Variants in ENPP6 observed in about 807,000 individuals in gnomAD.
ENPP6 encodes the protein glycerophosphocholine cholinephosphodiesterase ENPP6.
In ENPP6, 32 loss-of-function variants were observed where a neutral mutation model predicts 42.0. The observed-to-expected ratio is 0.76, with a 90% CI of 0.58 to 1.02. The LOEUF (loss-of-function observed/expected upper bound fraction) is 1.02. ENPP6 is among the 50% of genes least tolerant of loss of function. The probability of loss-of-function intolerance (pLI) is 0.00; values close to 1 mark genes in which losing one functional copy is unlikely to be tolerated. For missense variants in ENPP6, 552 were observed against 566.8 expected (o/e 0.97, Z 0.27); for synonymous variants, 213 against 216.0 (o/e 0.99, Z 0.12).
At chr4:184,153,761 T>C in intron 1 of ENPP6, 28 bp from the exon 2 acceptor site, 1 of 1,602,210 alleles carries the variant, frequency 6.2e-7, no homozygotes, top group South Asian at 1.1e-5. Flanking sequence ...CAGCTGTCAG[T>C]TTACGGTTCT....
chr4:184,174,527 T>C (rs1435715162), intron 1 of ENPP6, among the ~76,000 whole-genome samples: 1 of 102,540 alleles, frequency 9.8e-6, no homozygotes. Context: ...GCTGTGAGGG[T>C]TCCAGAATGA....
chr4:184,106,930 T>C (rs571949357), intron 6 of ENPP6, among the ~76,000 whole-genome samples: 1 of 152,112 alleles, frequency 6.6e-6, no homozygotes, highest in South Asian at 2.1e-4. Context: ...AGAGCGTGCT[T>C]GAGTCTGCTG....
intron 2 of ENPP6, among the ~76,000 whole-genome samples, chr4:184,152,278 C>G (rs1241039918): frequency 6.6e-6 from 1 of 152,178 alleles, no homozygotes; most frequent in Non-Finnish European, 1.5e-5. Flanking sequence ...AGTGCCCCAG[C>G]AGCTCCCCAC....
chr4:184,099,403 C>T (rs1228435741), intron 6 of ENPP6, among the ~76,000 whole-genome samples: 1 of 152,180 alleles, frequency 6.6e-6, no homozygotes, highest in Admixed American at 6.5e-5. Flanking sequence ...GCTGCAGTCT[C>T]CCTGCTGGTC....
chr4:184,118,081 C>G, intron 3 of ENPP6, among the ~76,000 whole-genome samples, 181 bp from the exon 4 acceptor site: 1 of 152,198 alleles, frequency 6.6e-6, no homozygotes, highest in Non-Finnish European at 1.5e-5. Flanking sequence ...CACACTGAAC[C>G]AAGAATTGCT....
At chr4:184,206,483 C>G (rs941053361) in intron 1 of ENPP6, among the ~76,000 whole-genome samples, 2 of 149,312 alleles carry the variant, frequency 1.3e-5, no homozygotes, top group South Asian at 2.2e-4. Flanking sequence ...GTCTCGATCT[C>G]CTGACCTCGT....
chr4:184,197,267 A>C (rs1732816339), intron 1 of ENPP6, among the ~76,000 whole-genome samples: 1 of 152,176 alleles, frequency 6.6e-6, no homozygotes, highest in Non-Finnish European at 1.5e-5. Context: ...AAATCTACAC[A>C]TGCACCACAC....
chr4:184,171,611 C>T (rs1437011212), intron 1 of ENPP6, among the ~76,000 whole-genome samples: 1 of 152,230 alleles, frequency 6.6e-6, no homozygotes, highest in Non-Finnish European at 1.5e-5. Context: ...AGACACATCA[C>T]AGTTGACATA....
chr4:184,165,006 C>G (rs1737325943), intron 1 of ENPP6, among the ~76,000 whole-genome samples: 1 of 152,152 alleles, frequency 6.6e-6, no homozygotes, highest in Non-Finnish European at 1.5e-5. Context: ...GTTACACTTG[C>G]TATCATGCAC....
Position 184,194,272 on chromosome 4 carries a change from G to T in ENPP6, c.241+23307C>A, listed in dbSNP as rs531163892. Reference sequence around the variant, plus strand: ...AGATGCTGTACTGAGATGTTTCACTGCACATTAATTAGCATGTTTCTCCCT... The same window carrying T: ...AGATGCTGTACTGAGATGTTTCACTTCACATTAATTAGCATGTTTCTCCCT... On this transcript the variant is annotated intron_variant, in intron 1 of 7. Transcript: ENST00000296741. 2.6e-5 allele frequency among the ~76,000 whole-genome samples: 4 copies of T among 152,304 alleles called. No individual in the cohort carries two copies. In the South Asian group the frequency reaches 8.3e-4, roughly 32 times the overall value.
intron 1 of ENPP6, among the ~76,000 whole-genome samples, chr4:184,180,285 T>C: frequency 6.6e-6 from 1 of 152,144 alleles, no homozygotes; most frequent in East Asian, 1.9e-4. Flanking sequence ...CCTGGACACA[T>C]ACATCCTCCC....
intron 1 of ENPP6, among the ~76,000 whole-genome samples, chr4:184,193,607 G>A (rs920039012): frequency 6.6e-6 from 1 of 152,154 alleles, no homozygotes; most frequent in African/African-American, 2.4e-5. Flanking sequence ...CTCTTAAAAT[G>A]GCTAGATTTT....
At chr4:184,123,795 G>A (rs1736457596) in intron 3 of ENPP6, among the ~76,000 whole-genome samples, 1 of 152,096 alleles carries the variant, frequency 6.6e-6, no homozygotes, top group African/African-American at 2.4e-5. Context: ...AAACTTATTT[G>A]ACCACATATC....
chr4:184,157,681 T>C (rs1391199255), intron 1 of ENPP6, among the ~76,000 whole-genome samples: 2 of 151,564 alleles, frequency 1.3e-5, no homozygotes, highest in Non-Finnish European at 2.9e-5. Context: ...GGGGCAATCA[T>C]TGCTCACTGC....
intron 1 of ENPP6, among the ~76,000 whole-genome samples, chr4:184,191,213 C>A (rs1732709120): frequency 6.6e-6 from 1 of 152,226 alleles, no homozygotes; most frequent in African/African-American, 2.4e-5. Context: ...ACTCATAGTT[C>A]TTCCATTTAT....
At chr4:184,127,321 T>C (rs947888483) in intron 2 of ENPP6, among the ~76,000 whole-genome samples, 2 of 151,444 alleles carry the variant, frequency 1.3e-5, no homozygotes, top group Non-Finnish European at 2.9e-5. Flanking sequence ...AAATCTAAGA[T>C]TAATAAAGAA....
At chr4:184,137,500 T>A (rs938288317) in intron 2 of ENPP6, among the ~76,000 whole-genome samples, 2 of 152,020 alleles carry the variant, frequency 1.3e-5, no homozygotes, top group African/African-American at 2.4e-5. Context: ...CTACATATTA[T>A]ATGCATAAAA....
At chr4:184,093,854 TTCTA>T (rs1735851701) in intron 7 of ENPP6, among the ~76,000 whole-genome samples, 1 of 152,090 alleles carries the variant, frequency 6.6e-6, no homozygotes, top group South Asian at 2.1e-4. Context: ...GAAGCAACTC[TTCTA>T]TCTTCTTCTC....
chr4:184,172,818 T>C (rs371930254), intron 1 of ENPP6, among the ~76,000 whole-genome samples: 11 of 152,320 alleles, frequency 7.2e-5, no homozygotes, highest in Middle Eastern at 3.4e-3. Flanking sequence ...AAATAGTTCC[T>C]GAGTGGCGTG....
Sources: allele counts gnomAD v4.1 joint callset (sites outside exome capture counted in the v4.1 genomes callset), GRCh38; gene constraint gnomAD v4.1.1; transcripts MANE v1.5; gene names NCBI Gene and HGNC (gene_info 2026-07-23, HGNC 2026-07-21).